RNF17: variants seen among roughly 807,000 people sequenced by gnomAD.
RNF17 encodes ring finger protein 17, also known as spermatogenesis associated 23.
Under a neutral mutation model 200.5 loss-of-function variants are expected in RNF17, and 31 were observed. The ratio of observed to expected loss-of-function variants is 0.15; its 90% CI spans 0.12 to 0.21. The LOEUF is 0.21. RNF17 is among the 10% of genes least tolerant of loss of function. RNF17 has a pLI of 1.00. For synonymous variants in RNF17, 606 were observed against 637.8 expected (o/e 0.95, Z 0.75); for missense variants, 1,628 against 1,905.1 (o/e 0.85, Z 2.71).
At chr13:24,797,710 G>GTGTCTGTGTGTGTGTC (rs1555269383) in intron 11 of RNF17, among the ~76,000 whole-genome samples, 2 of 147,756 alleles carry the variant, frequency 1.4e-5, no homozygotes, top group Non-Finnish European at 3.0e-5. Context: ...CAAAGAGTGT[G>GTGTCTGTGTGTGTGTC]TGTGTGTGTG....
At chr13:24,876,466 A>G (rs918942650) in intron 33 of RNF17, among the ~76,000 whole-genome samples, 1 of 152,220 alleles carries the variant, frequency 6.6e-6, no homozygotes, top group Non-Finnish European at 1.5e-5. Flanking sequence ...CTGCTGGATC[A>G]TATGGTCTAT....
At chr13:24,777,000 C>G (rs895148094) in intron 3 of RNF17, among the ~76,000 whole-genome samples, 1 of 152,152 alleles carries the variant, frequency 6.6e-6, no homozygotes, top group Admixed American at 6.5e-5. Context: ...AGAAAGTACC[C>G]AAATTTGTTC....
intron 2 of RNF17, among the ~76,000 whole-genome samples, chr13:24,770,451 A>G (rs1880498982): frequency 6.6e-6 from 1 of 152,196 alleles, no homozygotes; most frequent in Non-Finnish European, 1.5e-5. Context: ...TCTGGAAGAA[A>G]TGTCCTGCAT....
intron 2 of RNF17, among the ~76,000 whole-genome samples, chr13:24,771,589 G>T (rs1380159819): frequency 7.4e-5 from 11 of 148,150 alleles, no homozygotes; most frequent in Admixed American, 7.4e-4. Flanking sequence ...ATTCAGAAGT[G>T]TTTCTTAACT....
intron 6 of RNF17, among the ~76,000 whole-genome samples, chr13:24,784,373 A>G (rs1462514788): frequency 3.9e-5 from 6 of 152,122 alleles, no homozygotes; most frequent in Admixed American, 6.6e-5. Context: ...TGAGTTAGGG[A>G]ACGTTTCTGC....
chr13:24,787,665 C>G (rs1184248021), intron 6 of RNF17, among the ~76,000 whole-genome samples: 3 of 152,116 alleles, frequency 2.0e-5, no homozygotes, highest in African/African-American at 7.2e-5. Flanking sequence ...AGATTCTCCT[C>G]CAGGCCTTAG....
chr13:24,763,241 C>T (rs1211808399), upstream of RNF17, among the ~76,000 whole-genome samples: 2 of 148,796 alleles, frequency 1.3e-5, no homozygotes, highest in African/African-American at 5.0e-5. Context: ...CTCGCTCTGT[C>T]GCCCAGACTG....
intron 2 of RNF17, 77 bp downstream of exon 2, chr13:24,767,443 A>ATTTTTTTTTT: frequency 9.7e-7 from 1 of 1,031,596 alleles, no homozygotes; most frequent in Non-Finnish European, 1.5e-6. Flanking sequence ...AGTAAAACGT[A>ATTTTTTTTTT]CTTCTAGTTA....
chr13:24,767,154 A>C, intron 1 of RNF17, 118 bp from the exon 2 acceptor site: 1 of 654,450 alleles, frequency 1.5e-6, no homozygotes, highest in Non-Finnish European at 2.7e-6. Context: ...ACTTGAGCCC[A>C]AGAGGTGGAG....
At chr13:24,850,913 AT>A (rs1238505222) in intron 23 of RNF17, among the ~76,000 whole-genome samples, 1 of 151,856 alleles carries the variant, frequency 6.6e-6, no homozygotes, top group Non-Finnish European at 1.5e-5. Flanking sequence ...TTCCAGTTTG[AT>A]TTTTTTTCTT....
chr13:24,835,570 C>G (rs1593383551), intron 18 of RNF17, among the ~76,000 whole-genome samples: 1 of 152,034 alleles, frequency 6.6e-6, no homozygotes, highest in Non-Finnish European at 1.5e-5. Flanking sequence ...CAGAAAGAGA[C>G]AACAATCACT....
At chr13:24,807,111 G>A (rs1200543089) in intron 15 of RNF17, among the ~76,000 whole-genome samples, 19 of 151,600 alleles carry the variant, frequency 1.3e-4, no homozygotes, top group East Asian at 3.9e-4. Context: ...ATAAACATAC[G>A]TGTGCATGTG....
rs569765855 is a variant in RNF17 at position 24,774,838 on chromosome 13, A to G, written c.251A>G (p.Gln84Arg). The G allele has an allele frequency of 6.2e-7, 1 of 1,612,486 alleles. No individual in the cohort carries two copies. The highest frequency in any genetic ancestry group is 1.3e-5 in the African/African-American group (1 of 75,004). Residue 84 changes from glutamine to arginine, a missense_variant, in exon 3 of 36, where the codon CAA becomes CGA. Coordinates refer to ENST00000255324, the MANE Select transcript of RNF17 (RefSeq NM_031277.3). ...GTTGCTACAGCTGTAAATACTAGAC[A>G]ACGCTACTACCCAATGGCTGGATAT... ...CEVATAVNTR[Q>R]RYYPMAGYIK...
chr13:24,784,608 TATAATTTGTGTACAGTTGTTC>T (rs1882850427), intron 6 of RNF17, among the ~76,000 whole-genome samples: 1 of 152,216 alleles, frequency 6.6e-6, no homozygotes, highest in South Asian at 2.1e-4. Context: ...CACCTAGTTA[TATAATTTGTGTACAGTTGTTC>T]ATAATAGCCT....
At chr13:24,788,308 T>TC in intron 7 of RNF17, 149 bp downstream of exon 7, 1 of 492,366 alleles carries the variant, frequency 2.0e-6, no homozygotes, top group South Asian at 4.2e-5. Flanking sequence ...TAGGTTAGGA[T>TC]AGTCTAAGTT....
upstream of RNF17, among the ~76,000 whole-genome samples, chr13:24,760,140 C>CA (rs1388586630): frequency 1.1e-4 from 16 of 151,876 alleles, 1 homozygote; most frequent in Non-Finnish European, 1.3e-4. Context: ...GACTCCATCT[C>CA]AAAAAATATA....
At chr13:24,833,483 A>G (rs1889648915) in intron 18 of RNF17, among the ~76,000 whole-genome samples, 1 of 152,224 alleles carries the variant, frequency 6.6e-6, no homozygotes, top group Admixed American at 6.5e-5. Flanking sequence ...TTTTGAGCCA[A>G]CTTTAACCTG....
intron 16 of RNF17, 105 bp from the exon 17 acceptor site, chr13:24,830,379 A>G: frequency 3.1e-6 from 2 of 652,194 alleles, no homozygotes; most frequent in Admixed American, 2.9e-5. Context: ...AAGTTTGTAT[A>G]TTGAAGCTAA....
intron 9 of RNF17, among the ~76,000 whole-genome samples, chr13:24,792,291 G>A (rs777221528): frequency 9.2e-5 from 14 of 152,098 alleles, no homozygotes; most frequent in Non-Finnish European, 1.9e-4. Context: ...AGTATAACCT[G>A]CATGTACTGA....
Sources: gnomAD v4.1 joint callset for allele counts (sites outside exome capture counted in the v4.1 genomes callset) on GRCh38, gnomAD v4.1.1 for gene constraint, MANE v1.5 for transcripts, NCBI Gene and HGNC (gene_info 2026-07-23, HGNC 2026-07-21) for gene names.